Variants in STARD13 observed in about 807,000 individuals in gnomAD.
The protein encoded by STARD13 is StAR related lipid transfer domain containing 13.
STARD13 carries 62 observed loss-of-function variants against 106.4 expected under a neutral mutation model. The observed-to-expected ratio is 0.58, with a 90% CI of 0.48 to 0.72. STARD13 has a LOEUF of 0.72. Among genes scored for constraint, STARD13 ranks in the 30% least tolerant of loss-of-function variants. The pLI, the probability that STARD13 is intolerant of heterozygous loss-of-function variation, is 0.00. For synonymous variants in STARD13, 565 were observed against 553.0 expected, an observed-to-expected ratio of 1.02 and a Z score of -0.31; for missense variants, 1,387 against 1,424.0, an observed-to-expected ratio of 0.97 and a Z score of 0.42.
chr13:33,365,911 A>AT, the STARD13 span, among the ~76,000 whole-genome samples: 2 of 151,852 alleles, frequency 1.3e-5, no homozygotes, highest in Admixed American at 6.6e-5. Context: ...CTTTTCTTTT[A>AT]TTTTTTGTGC....
the STARD13 span, among the ~76,000 whole-genome samples, chr13:33,565,919 C>A: frequency 6.7e-6 from 1 of 148,644 alleles, no homozygotes; most frequent in Non-Finnish European, 1.5e-5. Flanking sequence ...GCTTTTAAAG[C>A]ACTTCTACCT....
the STARD13 span, among the ~76,000 whole-genome samples, chr13:33,537,958 G>A: frequency 2.6e-5 from 4 of 152,070 alleles, no homozygotes; most frequent in East Asian, 1.9e-4. Context: ...GTGGCAAGGG[G>A]GTACCACTGC....
upstream of STARD13, among the ~76,000 whole-genome samples, chr13:33,286,553 T>C (rs1411933348): frequency 6.6e-6 from 1 of 152,178 alleles, no homozygotes; most frequent in East Asian, 1.9e-4. Flanking sequence ...ATCAACCTGC[T>C]AAGGACCCAT....
At chr13:33,315,776 T>C (rs561244600) in intron 1 of STARD13, among the ~76,000 whole-genome samples, 1 of 152,068 alleles carries the variant, frequency 6.6e-6, no homozygotes, top group Non-Finnish European at 1.5e-5. Flanking sequence ...ATTTTAAACA[T>C]CAAAAAGTAA....
At chr13:33,670,364 G>A in the STARD13 span, among the ~76,000 whole-genome samples, 18 of 152,168 alleles carry the variant, frequency 1.2e-4, no homozygotes, top group African/African-American at 3.4e-4. Context: ...CTCATTGAAC[G>A]AACATAATTG....
chr13:33,544,854 A>G, the STARD13 span, among the ~76,000 whole-genome samples: 1 of 148,946 alleles, frequency 6.7e-6, no homozygotes, highest in Non-Finnish European at 1.5e-5. Context: ...GCTCACTGCA[A>G]TCTCTGCCTC....
intron 1 of STARD13, among the ~76,000 whole-genome samples, chr13:33,228,754 T>A (rs891744330): frequency 6.6e-6 from 1 of 152,202 alleles, no homozygotes; most frequent in African/African-American, 2.4e-5. Context: ...ACTAGAGGCC[T>A]GTGAAGAGCT....
At chr13:33,230,767 T>G (rs1240231975) in intron 1 of STARD13, among the ~76,000 whole-genome samples, 4 of 152,230 alleles carry the variant, frequency 2.6e-5, no homozygotes, top group Admixed American at 6.5e-5. Context: ...TTTGAATGAT[T>G]AATTTGTTCA....
rs544935056 is a variant in STARD13, at chr13:33,125,546, T to C, written c.2082+535A>G. 2.4e-3 allele frequency among the ~76,000 whole-genome samples: 358 copies of C among 152,312 alleles called. 2 individuals carry two copies. Among genetic ancestry groups the C allele is most frequent in the African/African-American group, 8.0e-3 (334 of 41,576 alleles). On this transcript the variant is annotated intron_variant, in intron 7 of 13. Transcript: ENST00000336934. ...GAATCAACTCTATAAAATGAGGGGA[T>C]ATTTGACTTAGCTGATACTTTTGTT... is the stretch of plus-strand genomic sequence containing the variant.
chr13:33,453,084 G>C, the STARD13 span, among the ~76,000 whole-genome samples: 2 of 152,160 alleles, frequency 1.3e-5, no homozygotes, highest in Non-Finnish European at 2.9e-5. Context: ...CTGGGTTTGA[G>C]TATTTCATAG....
the STARD13 span, among the ~76,000 whole-genome samples, chr13:33,609,569 CTTT>C: frequency 2.1e-5 from 3 of 141,700 alleles, no homozygotes; most frequent in Non-Finnish European, 1.6e-5. Flanking sequence ...TTCTTTCTTT[CTTT>C]TTTTTTTTTT....
the STARD13 span, among the ~76,000 whole-genome samples, chr13:33,515,620 G>C: frequency 5.5e-3 from 837 of 152,262 alleles, 11 homozygotes; most frequent in African/African-American, 0.02. Flanking sequence ...GTATCAGCTT[G>C]TTGGTAGTGA....
At chr13:33,510,154 T>C in the STARD13 span, among the ~76,000 whole-genome samples, 1 of 152,214 alleles carries the variant, frequency 6.6e-6, no homozygotes, top group African/African-American at 2.4e-5. Flanking sequence ...GCTAAATTTA[T>C]CTTTTAGCCA....
At chr13:33,336,491 C>A (rs1201386830) in intron 1 of STARD13, 2 of 152,138 alleles carry the variant, frequency 1.3e-5, no homozygotes, top group Non-Finnish European at 2.9e-5. Flanking sequence ...CGGTGGCTCA[C>A]ACCTGTAATC....
chr13:33,428,582 C>T, the STARD13 span, among the ~76,000 whole-genome samples: 1 of 152,008 alleles, frequency 6.6e-6, no homozygotes, highest in Non-Finnish European at 1.5e-5. Context: ...CATTGCTAAT[C>T]ATCAGAGAGG....
At chr13:33,211,938 C>G (rs1480743780) in intron 1 of STARD13, among the ~76,000 whole-genome samples, 1 of 152,010 alleles carries the variant, frequency 6.6e-6, no homozygotes. Context: ...GTTATACACC[C>G]ATAAGAATTG....
At chr13:33,416,820 A>C in the STARD13 span, among the ~76,000 whole-genome samples, 1 of 152,236 alleles carries the variant, frequency 6.6e-6, no homozygotes, top group Admixed American at 6.5e-5. Flanking sequence ...TAAAAAATAT[A>C]AGCAACAAGA....
chr13:33,469,124 A>C, the STARD13 span, among the ~76,000 whole-genome samples: 3 of 152,216 alleles, frequency 2.0e-5, no homozygotes, highest in East Asian at 1.9e-4. Flanking sequence ...TGGACTAAGC[A>C]CTTTATATAA....
the STARD13 span, among the ~76,000 whole-genome samples, chr13:33,475,916 C>A: frequency 6.6e-6 from 1 of 151,736 alleles, no homozygotes; most frequent in African/African-American, 2.4e-5. Flanking sequence ...GAGATGGCGC[C>A]ACTGCACTCC....
Sources: allele counts gnomAD v4.1 joint callset (sites outside exome capture counted in the v4.1 genomes callset), GRCh38; gene constraint gnomAD v4.1.1; transcripts MANE v1.5; gene names NCBI Gene and HGNC (gene_info 2026-07-23, HGNC 2026-07-21).